The following EXTL3 variants were observed in gnomAD, a reference collection of about 807,000 sequenced individuals.
EXTL3 encodes exostosin like glycosyltransferase 3, also known as exostosin-like 3.
A neutral mutation model predicts 69.3 loss-of-function variants in EXTL3; 27 were observed. The ratio of observed to expected loss-of-function variants is 0.39; its 90% CI spans 0.29 to 0.54. EXTL3 has a LOEUF of 0.54. Among genes scored for constraint, EXTL3 ranks in the 20% least tolerant of loss-of-function variants. The probability of loss-of-function intolerance (pLI) is 0.69; values close to 1 mark genes in which losing one functional copy is unlikely to be tolerated. For synonymous variants in EXTL3, 511 were observed against 499.4 expected (o/e 1.02, Z -0.31); for missense variants, 1,003 against 1,231.8 (o/e 0.81, Z 2.78).
chr8:28,714,652 A>G (rs987408243), intron 2 of EXTL3, among the ~76,000 whole-genome samples: 1 of 152,222 alleles, frequency 6.6e-6, no homozygotes, highest in Non-Finnish European at 1.5e-5. Flanking sequence ...TCCCTGGCAT[A>G]GAATATTATG....
intron 1 of EXTL3, among the ~76,000 whole-genome samples, chr8:28,633,463 A>G (rs955883599): frequency 3.9e-5 from 6 of 151,964 alleles, no homozygotes; most frequent in Non-Finnish European, 8.8e-5. Context: ...CAGCCTGGCC[A>G]TCTCTACTAA....
At chr8:28,632,856 A>T (rs2130565744) in intron 1 of EXTL3, among the ~76,000 whole-genome samples, 1 of 152,146 alleles carries the variant, frequency 6.6e-6, no homozygotes, top group Non-Finnish European at 1.5e-5. Context: ...GCCCAGCCAC[A>T]TTTATTCTTA....
intron 1 of EXTL3, among the ~76,000 whole-genome samples, chr8:28,655,626 G>A (rs931729039): frequency 6.6e-6 from 1 of 151,774 alleles, no homozygotes; most frequent in Non-Finnish European, 1.5e-5. Context: ...GGAGTAGCTG[G>A]GACCACAGGT....
rs2130742371 is a variant in EXTL3 at position 28,718,067 on chromosome 8, T to TA, written c.2009dup (p.Tyr670Ter). The TA allele has an allele frequency of 6.2e-7, 1 of 1,613,824 alleles. No individual in the cohort carries two copies. Among genetic ancestry groups the TA allele is most frequent in the Middle Eastern group, 1.6e-4 (1 of 6,062 alleles). The part of the protein sequence containing the change: ...REQFTVVMLT[Y>*]EREEVLMNSL... The stretch of plus-strand genomic sequence containing the variant: ...GCAGTTCACGGTGGTGATGTTGACT[T>TA]ATGAGCGGGAGGAAGTGCTTATGAA... Residue 670 changes from tyrosine to a stop codon, truncating the protein, a stop_gained and frameshift_variant, in exon 3 of 7, where the codon TAT becomes TAAT. Coordinates refer to ENST00000220562, the MANE Select transcript of EXTL3 (RefSeq NM_001440.4). LOFTEE classifies it high-confidence loss of function.
At chr8:28,741,812 A>G (rs905078638) in intron 5 of EXTL3, 1 of 152,116 alleles carries the variant, frequency 6.6e-6, no homozygotes, top group Non-Finnish European at 1.5e-5. Context: ...AAGTTCACCA[A>G]CTCTTAAGTA....
intron 3 of EXTL3, among the ~76,000 whole-genome samples, chr8:28,719,536 C>T (rs1239841459): frequency 6.6e-6 from 1 of 152,202 alleles, no homozygotes; most frequent in Non-Finnish European, 1.5e-5. Flanking sequence ...TTTTTTCTTA[C>T]TGCTGCTAAT....
intron 1 of EXTL3, among the ~76,000 whole-genome samples, chr8:28,680,403 A>C (rs989185082): frequency 4.6e-5 from 7 of 151,722 alleles, no homozygotes; most frequent in Admixed American, 4.6e-4. Context: ...AAAAAAAAAA[A>C]AACAGCATAC....
chr8:28,674,994 C>G (rs1807356613), intron 1 of EXTL3, among the ~76,000 whole-genome samples: 1 of 152,206 alleles, frequency 6.6e-6, no homozygotes, highest in South Asian at 2.1e-4. Context: ...CCAGCAGCCC[C>G]TGAAGATGAG....
chr8:28,737,678 G>GT lies in EXTL3; in HGVS notation c.2421+16dup. On this transcript the variant is annotated intron_variant, in intron 5 of 6. Transcript: ENST00000220562. ...TCTTTCACAAGGTAAGAAAAAGCTG[G>GT]TAATAATGGCATCGACTTGGTGAGA... The GT allele has an allele frequency of 6.2e-7, 1 of 1,614,076 alleles. No homozygotes were observed.
chr8:28,652,025 TTGTGTGTGTGTGTC>T (rs975129769), intron 1 of EXTL3, among the ~76,000 whole-genome samples: 4 of 151,296 alleles, frequency 2.6e-5, no homozygotes, highest in Non-Finnish European at 4.4e-5. Context: ...TAATATTCCA[TTGTGTGTGTGTGTC>T]TGTGTGTGTG....
chr8:28,659,111 C>G (rs1317893573), intron 1 of EXTL3, among the ~76,000 whole-genome samples: 1 of 152,180 alleles, frequency 6.6e-6, no homozygotes, highest in African/African-American at 2.4e-5. Context: ...TAATTCTGAT[C>G]TCTGTGGCCC....
intron 1 of EXTL3, among the ~76,000 whole-genome samples, chr8:28,674,510 A>G (rs906245250): frequency 2.0e-5 from 3 of 152,246 alleles, no homozygotes; most frequent in Admixed American, 6.5e-5. Context: ...AAAATGACCT[A>G]GGAACTTTTA....
At chr8:28,649,420 A>C (rs1386785194) in intron 1 of EXTL3, among the ~76,000 whole-genome samples, 1 of 152,202 alleles carries the variant, frequency 6.6e-6, no homozygotes, top group African/African-American at 2.4e-5. Flanking sequence ...ATTTTTTGCC[A>C]ATCTGATGCC....
intron 1 of EXTL3, among the ~76,000 whole-genome samples, chr8:28,668,770 G>C (rs1439360139): frequency 2.0e-5 from 3 of 151,382 alleles, no homozygotes; most frequent in Non-Finnish European, 4.4e-5. Context: ...CTCATATCAT[G>C]GCTAGTGTAC....
chr8:28,619,311 A>AAAAAAAAAAAAAAAAAAAAAAC (rs1478312916), upstream of EXTL3, among the ~76,000 whole-genome samples: 2 of 121,500 alleles, frequency 1.6e-5, no homozygotes, highest in African/African-American at 3.4e-5. Context: ...AAAAAAAAAA[A>AAAAAAAAAAAAAAAAAAAAAAC]AAAACCCTGT....
intron 1 of EXTL3, among the ~76,000 whole-genome samples, chr8:28,663,164 A>G (rs907946479): frequency 3.9e-5 from 6 of 152,178 alleles, no homozygotes; most frequent in African/African-American, 7.2e-5. Context: ...GCAAAAGCAA[A>G]TTTTACTCAG....
At chr8:28,742,069 T>C (rs974780618) in intron 5 of EXTL3, 1 of 152,208 alleles carries the variant, frequency 6.6e-6, no homozygotes, top group African/African-American at 2.4e-5. Flanking sequence ...TTTGAAGTTA[T>C]CAACATGAGT....
chr8:28,619,917 C>A (rs375586625), upstream of EXTL3, among the ~76,000 whole-genome samples: 69 of 111,518 alleles, frequency 6.2e-4, no homozygotes, highest in South Asian at 1.9e-3. Flanking sequence ...GTCTCCCAGG[C>A]TGGAGTACAG....
At chr8:28,616,713 A>G (rs1233986430) in intron 2 of EXTL3, among the ~76,000 whole-genome samples, 5 of 152,032 alleles carry the variant, frequency 3.3e-5, no homozygotes, top group Admixed American at 2.6e-4. Flanking sequence ...TTTCCTCTCT[A>G]AGTGAATTCA....
Sources: gnomAD v4.1 joint callset for allele counts (sites outside exome capture counted in the v4.1 genomes callset) on GRCh38, gnomAD v4.1.1 for gene constraint, MANE v1.5 for transcripts, NCBI Gene and HGNC (gene_info 2026-07-23, HGNC 2026-07-21) for gene names.